Variants in ATXN1 observed in about 807,000 individuals in gnomAD.
ATXN1 encodes ataxin-1.
Under a neutral mutation model 56.4 loss-of-function variants are expected in ATXN1, and 8 were observed. The observed-to-expected ratio is 0.14, with a 90% CI of 0.08 to 0.26. ATXN1 has a LOEUF of 0.26. ATXN1 is among the 10% of genes least tolerant of loss of function. The pLI is 1.00. For missense variants in ATXN1, 987 were observed against 1,106.5 expected (o/e 0.89, Z 1.53); for synonymous variants, 514 against 494.6 (o/e 1.04, Z -0.52).
At chr6:16,558,797 T>C (rs1217627222) in intron 4 of ATXN1, among the ~76,000 whole-genome samples, 1 of 152,166 alleles carries the variant, frequency 6.6e-6, no homozygotes, top group Non-Finnish European at 1.5e-5. Flanking sequence ...ATAAATAAGA[T>C]GACTTTAATT....
chr6:16,753,975 T>C (rs909613240), intron 1 of ATXN1: 4 of 152,334 alleles, frequency 2.6e-5, no homozygotes, highest in Admixed American at 1.3e-4. Context: ...AAATTTTCCA[T>C]TGTATGATGA....
In ATXN1 at chr6:16,466,912, T is replaced by TC. The variant is rs1372143742; in HGVS notation, c.-161+19059dup. 1.2e-4 allele frequency among the ~76,000 whole-genome samples: 18 copies of TC among 152,348 alleles called. No individual in the cohort carries two copies. In the East Asian group the frequency reaches 2.7e-3, roughly 23 times the overall value. On this transcript the variant is annotated intron_variant, in intron 6 of 7. Transcript: ENST00000436367. ...ATTAATGTTCTTTCCATCTCATAAC[T>TC]CAAGTTTCCAATAACGTCTTCCTCG...
At chr6:16,437,004 C>T (rs1487892513) in intron 6 of ATXN1, among the ~76,000 whole-genome samples, 1 of 152,054 alleles carries the variant, frequency 6.6e-6, no homozygotes, top group Non-Finnish European at 1.5e-5. Flanking sequence ...ACAACTGTGG[C>T]CTGAGTAACT....
chr6:16,719,788 CAG>C (rs1038601181), intron 2 of ATXN1, among the ~76,000 whole-genome samples: 2 of 152,130 alleles, frequency 1.3e-5, no homozygotes, highest in African/African-American at 4.8e-5. Flanking sequence ...CATGTGAAAA[CAG>C]AGGCAGAGAC....
intron 6 of ATXN1, among the ~76,000 whole-genome samples, chr6:16,369,968 T>C (rs1339297159): frequency 6.6e-6 from 1 of 152,192 alleles, no homozygotes; most frequent in African/African-American, 2.4e-5. Context: ...TGGACGTGCC[T>C]GGTGCCGAGC....
At chr6:16,599,011 G>C (rs575677765) in intron 3 of ATXN1, among the ~76,000 whole-genome samples, 49 of 152,340 alleles carry the variant, frequency 3.2e-4, no homozygotes, top group African/African-American at 1.1e-3. Context: ...AGATGACAGG[G>C]GGACATGCCA....
chr6:16,742,542 G>A (rs1401753668), intron 2 of ATXN1, among the ~76,000 whole-genome samples: 1 of 152,172 alleles, frequency 6.6e-6, no homozygotes, highest in Non-Finnish European at 1.5e-5. Flanking sequence ...TCCAATGGGA[G>A]GCATTTCCAT....
intron 4 of ATXN1, among the ~76,000 whole-genome samples, chr6:16,544,673 A>T (rs1326631400): frequency 6.6e-6 from 1 of 152,210 alleles, no homozygotes; most frequent in African/African-American, 2.4e-5. Context: ...AGCTGGAGTG[A>T]GCCACGATTT....
chr6:16,368,266 C>T (rs1008585893), intron 6 of ATXN1, among the ~76,000 whole-genome samples: 3 of 151,612 alleles, frequency 2.0e-5, no homozygotes, highest in Non-Finnish European at 2.9e-5. Context: ...CATAATCACC[C>T]TGGACTGCTT....
intron 2 of ATXN1, among the ~76,000 whole-genome samples, chr6:16,701,444 T>C (rs558522635): frequency 1.1e-4 from 16 of 152,272 alleles, no homozygotes; most frequent in African/African-American, 3.9e-4. Context: ...ATGCCCTCTC[T>C]CACCACTCCT....
At chr6:16,601,087 C>T (rs1762903296) in intron 3 of ATXN1, among the ~76,000 whole-genome samples, 1 of 152,182 alleles carries the variant, frequency 6.6e-6, no homozygotes, top group African/African-American at 2.4e-5. Context: ...AAGGACCCCA[C>T]CATCACCTAC....
intron 6 of ATXN1, chr6:16,485,017 G>A (rs1405332270): frequency 6.8e-6 from 1 of 147,934 alleles, no homozygotes; most frequent in Non-Finnish European, 1.5e-5. Context: ...ACATAAACAA[G>A]AGTATACATA....
At chr6:16,511,570 C>G (rs964762406) in intron 5 of ATXN1, among the ~76,000 whole-genome samples, 1 of 152,126 alleles carries the variant, frequency 6.6e-6, no homozygotes, top group African/African-American at 2.4e-5. Context: ...GAGGTCTTTT[C>G]TCCCTCAGAA....
At chr6:16,498,584 G>GCAC (rs1760821067) in intron 5 of ATXN1, among the ~76,000 whole-genome samples, 1 of 152,138 alleles carries the variant, frequency 6.6e-6, no homozygotes, top group Non-Finnish European at 1.5e-5. Context: ...TATAGTGATT[G>GCAC]CACCATACTA....
rs148262162 is a variant in ATXN1 at position 16,309,867 on chromosome 6, C to G, written c.1918-3008G>C. Among the ~76,000 whole-genome samples the G allele has an allele frequency of 1.4e-3, 217 of 151,640 alleles. 9 individuals carry two copies. The East Asian group carries it at 0.035, about 25-fold the overall frequency. ...TGGCCAACATGGTGAAACCCCATCT[C>G]TACTAAAAATGCAAAAATTAGCTGG... On this transcript the variant is annotated intron_variant, in intron 7 of 7. Transcript: ENST00000436367.
intron 6 of ATXN1, among the ~76,000 whole-genome samples, chr6:16,401,964 A>G (rs1052050565): frequency 6.6e-6 from 1 of 152,186 alleles, no homozygotes; most frequent in Non-Finnish European, 1.5e-5. Context: ...GGCAAGGAGG[A>G]GCAAGTCACA....
At chr6:16,347,812 A>G (rs1455636710) in intron 6 of ATXN1, among the ~76,000 whole-genome samples, 1 of 152,212 alleles carries the variant, frequency 6.6e-6, no homozygotes, top group Non-Finnish European at 1.5e-5. Flanking sequence ...TAAGAGAATA[A>G]AAGCAGGCTG....
At chr6:16,329,635 CCTTTT>C (rs1760933972) in intron 6 of ATXN1, among the ~76,000 whole-genome samples, 1 of 152,198 alleles carries the variant, frequency 6.6e-6, no homozygotes, top group African/African-American at 2.4e-5. Flanking sequence ...TCTCTCTCTT[CCTTTT>C]CAAGTTGTCA....
At chr6:16,430,057 T>A (rs1759246896) in intron 6 of ATXN1, among the ~76,000 whole-genome samples, 1 of 151,566 alleles carries the variant, frequency 6.6e-6, no homozygotes, top group Non-Finnish European at 1.5e-5. Context: ...GTGGCGGGTG[T>A]TGAGACTGAG....
Sources: allele counts gnomAD v4.1 joint callset (sites outside exome capture counted in the v4.1 genomes callset), GRCh38; gene constraint gnomAD v4.1.1; transcripts MANE v1.5; gene names NCBI Gene and HGNC (gene_info 2026-07-23, HGNC 2026-07-21).